STIM1: variants seen among roughly 807,000 people sequenced by gnomAD.
STIM1 encodes stromal interaction molecule 1.
In STIM1, 25 loss-of-function variants were observed where a neutral mutation model predicts 74.7. The observed-to-expected ratio is 0.33, with a 90% CI of 0.24 to 0.47. The LOEUF (loss-of-function observed/expected upper bound fraction) is 0.47, where lower values mean the gene tolerates loss of function less well. Among genes scored for constraint, STIM1 ranks in the 20% least tolerant of loss-of-function variants. STIM1 has a pLI of 1.00. For missense variants in STIM1, 728 were observed against 920.8 expected, an observed-to-expected ratio of 0.79 and a Z score of 2.71; for synonymous variants, 328 against 348.8, an observed-to-expected ratio of 0.94 and a Z score of 0.66.
At chr11:4,047,306 C>T (rs1305332522) in intron 3 of STIM1, among the ~76,000 whole-genome samples, 1 of 151,982 alleles carries the variant, frequency 6.6e-6, no homozygotes, top group African/African-American at 2.4e-5. Context: ...ATTGGGAGAC[C>T]CCATCTCTAC....
intron 5 of STIM1, 52 bp from the exon 6 acceptor site, chr11:4,069,974 G>A: frequency 3.1e-6 from 5 of 1,605,444 alleles, no homozygotes; most frequent in Non-Finnish European, 4.3e-6. Flanking sequence ...AGTCTGCAAG[G>A]CTAAGTGTGC....
At chr11:3,921,288 C>A in intron 1 of STIM1, among the ~76,000 whole-genome samples, 1 of 152,100 alleles carries the variant, frequency 6.6e-6, no homozygotes, top group East Asian at 1.9e-4. Context: ...CGATATTTGG[C>A]CATTGATTTG....
intron 1 of STIM1, among the ~76,000 whole-genome samples, chr11:3,892,156 T>A (rs2091915182): frequency 6.6e-6 from 1 of 152,268 alleles, no homozygotes; most frequent in African/African-American, 2.4e-5. Context: ...TGTTTTTATT[T>A]ATTTTTTATG....
chr11:3,901,390 A>G (rs1045009009), intron 1 of STIM1, among the ~76,000 whole-genome samples: 1 of 152,212 alleles, frequency 6.6e-6, no homozygotes, highest in African/African-American at 2.4e-5. Flanking sequence ...ATTTTGTTAG[A>G]TACCAGTGTT....
intron 1 of STIM1, among the ~76,000 whole-genome samples, chr11:3,920,666 G>A (rs2092706082): frequency 6.6e-6 from 1 of 152,172 alleles, no homozygotes; most frequent in South Asian, 2.1e-4. Context: ...GTCATAGTGG[G>A]AAGGCTAAGT....
intron 1 of STIM1, among the ~76,000 whole-genome samples, chr11:3,864,907 T>G (rs1252848394): frequency 6.6e-6 from 1 of 152,226 alleles, no homozygotes; most frequent in African/African-American, 2.4e-5. Context: ...CATGCATTAC[T>G]TCATTGCTTT....
intron 2 of STIM1, among the ~76,000 whole-genome samples, chr11:3,986,833 A>G (rs1316629521): frequency 3.9e-5 from 6 of 152,304 alleles, no homozygotes; most frequent in Non-Finnish European, 2.9e-5. Context: ...TTTGTAAACC[A>G]TAGAGCTGTG....
chr11:3,956,006 C>T (rs1185917306), intron 1 of STIM1, among the ~76,000 whole-genome samples: 1 of 148,552 alleles, frequency 6.7e-6, no homozygotes, highest in Non-Finnish European at 1.5e-5. Flanking sequence ...AGTTTCACTT[C>T]TAATATGAAG....
chr11:4,050,144 T>A (rs568305478), intron 3 of STIM1, among the ~76,000 whole-genome samples: 6 of 152,186 alleles, frequency 3.9e-5, no homozygotes, highest in Non-Finnish European at 8.8e-5. Flanking sequence ...TCTTCAGCCT[T>A]GATTTGGGTT....
At chr11:3,900,301 G>T (rs10767692) in intron 1 of STIM1, among the ~76,000 whole-genome samples, 3 of 151,996 alleles carry the variant, frequency 2.0e-5, no homozygotes, top group African/African-American at 7.2e-5. Flanking sequence ...CGCAGTATTG[G>T]GGTGGGAGTG....
At chr11:3,880,714 T>C (rs938243783) in intron 1 of STIM1, among the ~76,000 whole-genome samples, 1 of 152,152 alleles carries the variant, frequency 6.6e-6, no homozygotes, top group Admixed American at 6.5e-5. Context: ...GTTATATCTC[T>C]GGCCTCCCTG....
At chr11:3,858,688 G>T (rs1418989059) in intron 1 of STIM1, among the ~76,000 whole-genome samples, 1 of 152,180 alleles carries the variant, frequency 6.6e-6, no homozygotes, top group Non-Finnish European at 1.5e-5. Context: ...TGTATCCCCA[G>T]AACACAGGAG....
rs2090367088 is a variant in STIM1 at position 3,856,316 on chromosome 11, C to T, written c.46C>T (p.Leu16Phe). 14 of 1,614,078 alleles carry T rather than the reference C, an allele frequency of 8.7e-6. No individual in the cohort carries two copies. The highest frequency in any genetic ancestry group is 1.2e-5 in the Non-Finnish European group (14 of 1,180,044). The part of the protein sequence containing the change: ...RLALWLLWGL[L>F]LHQGQSLSHS... ...TGCCCTGTGGCTCCTCTGGGGACTC[C>T]TCCTGCACCAGGGCCAGAGCCTCAG... is the stretch of plus-strand genomic sequence containing the variant. Residue 16 changes from leucine (L) to phenylalanine (F), a missense_variant, in exon 1 of 13, where the codon CTC becomes TTC. Physicochemically the swap from Leu to Phe is conservative, Grantham distance 22. Coordinates refer to ENST00000526596, the MANE Select transcript of STIM1 (RefSeq NM_001382567.1).
At chr11:3,932,747 G>A (rs2092884643) in intron 1 of STIM1, among the ~76,000 whole-genome samples, 1 of 151,914 alleles carries the variant, frequency 6.6e-6, no homozygotes, top group African/African-American at 2.4e-5. Context: ...GACACAGAAA[G>A]GAGACAGCCA....
At position 4,084,669 on chromosome 11, in the gene STIM1, C is replaced by A; in HGVS notation, c.1475-4C>A. ...TCTCCTTTTGGCCTGGCTGTTGACCCTAGATGCTGCCTGGCTGATGGGGCG... is the reference window on the plus strand; with the variant it reads ...TCTCCTTTTGGCCTGGCTGTTGACCATAGATGCTGCCTGGCTGATGGGGCG... On this transcript the variant is annotated splice_polypyrimidine_tract_variant and splice_region_variant and intron_variant, in intron 10 of 12. Transcript: ENST00000526596. 7.8e-7 allele frequency: 1 copy of A among 1,289,406 alleles called. No individual in the cohort carries two copies. The highest frequency in any genetic ancestry group is 1.2e-5 in the South Asian group (1 of 81,026). The allele number at this position is 1,289,406 out of a possible 1,614,324, so 79.9% of individuals were successfully genotyped here. A position where few individuals can be genotyped will look rare whatever the true frequency, so the allele number is the denominator to read the frequency against.
chr11:4,040,109 A>C (rs2094137010), intron 3 of STIM1, among the ~76,000 whole-genome samples: 1 of 152,070 alleles, frequency 6.6e-6, no homozygotes, highest in Non-Finnish European at 1.5e-5. Flanking sequence ...TTATATTTTA[A>C]TGCTGTAGTT....
chr11:4,016,746 A>C (rs914282025), intron 2 of STIM1, among the ~76,000 whole-genome samples: 1 of 152,006 alleles, frequency 6.6e-6, no homozygotes, highest in Non-Finnish European at 1.5e-5. Context: ...CACTGTGAGC[A>C]TAGAACTGCC....
chr11:3,937,446 G>A (rs895996609), intron 1 of STIM1, among the ~76,000 whole-genome samples: 1 of 152,164 alleles, frequency 6.6e-6, no homozygotes, highest in Non-Finnish European at 1.5e-5. Flanking sequence ...AAAGGGGTCA[G>A]GCTTAGTTCC....
At chr11:3,986,356 GT>G (rs1326387749) in intron 2 of STIM1, among the ~76,000 whole-genome samples, 1 of 152,182 alleles carries the variant, frequency 6.6e-6, no homozygotes, top group African/African-American at 2.4e-5. Context: ...ATCATGTGGA[GT>G]AACAAGTATG....
Sources: gnomAD v4.1 joint callset for allele counts (sites outside exome capture counted in the v4.1 genomes callset) on GRCh38, gnomAD v4.1.1 for gene constraint, MANE v1.5 for transcripts, NCBI Gene and HGNC (gene_info 2026-07-23, HGNC 2026-07-21) for gene names.